The following SYNE1 variants were observed in gnomAD, a reference collection of about 807,000 sequenced individuals.
SYNE1 encodes spectrin repeat containing nuclear envelope protein 1, also known as nesprin-1.
SYNE1 carries 616 observed loss-of-function variants against 1,111.0 expected under a neutral mutation model. That is an observed-to-expected ratio of 0.55 (90% confidence interval 0.52 to 0.59). The LOEUF (loss-of-function observed/expected upper bound fraction) is 0.59, where lower values mean the gene tolerates loss of function less well. SYNE1 is among the 20% of genes least tolerant of loss of function. The pLI, the probability that SYNE1 is intolerant of heterozygous loss-of-function variation, is 0.00. For synonymous variants in SYNE1, 3,855 were observed against 3,825.8 expected (o/e 1.01, Z -0.28); for missense variants, 10,006 against 10,417.0 (o/e 0.96, Z 1.72).
At chr6:152,413,219 G>A in intron 42 of SYNE1, 133 bp downstream of exon 42, 1 of 1,060,706 alleles carries the variant, frequency 9.4e-7, no homozygotes, top group Non-Finnish European at 1.4e-6. Flanking sequence ...TCAATGTTAT[G>A]AAAGTGACAC....
chr6:152,581,970 T>A (rs1264161586), intron 3 of SYNE1, among the ~76,000 whole-genome samples: 1 of 152,060 alleles, frequency 6.6e-6, no homozygotes, highest in African/African-American at 2.4e-5. Context: ...TACCAGTGCC[T>A]AGCAGGCTTT....
At chr6:152,618,385 G>A (rs1053402101) in intron 3 of SYNE1, among the ~76,000 whole-genome samples, 10 of 151,950 alleles carry the variant, frequency 6.6e-5, no homozygotes, top group Admixed American at 2.6e-4. Flanking sequence ...AAATAACAAC[G>A]ACAACAACAA....
At chr6:152,311,674 T>C (rs1374836679) in intron 87 of SYNE1, among the ~76,000 whole-genome samples, 1 of 152,096 alleles carries the variant, frequency 6.6e-6, no homozygotes, top group Non-Finnish European at 1.5e-5. Context: ...AGCATATGCA[T>C]AGGTACAAAG....
chr6:152,229,690 T>C (rs1460436288), intron 115 of SYNE1, among the ~76,000 whole-genome samples: 1 of 152,132 alleles, frequency 6.6e-6, no homozygotes, highest in Non-Finnish European at 1.5e-5. Flanking sequence ...AGGCCAATCC[T>C]GAACATGGCA....
chr6:152,274,022 C>T (rs1246104762), intron 98 of SYNE1, among the ~76,000 whole-genome samples: 1 of 152,150 alleles, frequency 6.6e-6, no homozygotes, highest in African/African-American at 2.4e-5. Flanking sequence ...AAGGCTTTCC[C>T]TTTATTTTAG....
Position 152,354,978 on chromosome 6 carries a change from T to C in SYNE1, c.10609-2A>G, listed in dbSNP as rs756909742. ...CTCTGCACAGTGTACCTGTAGCTCC[T>C]GCAGAGAAAAAGGTATGGCTGTCAC... On this transcript the variant is annotated splice_acceptor_variant, in intron 66 of 145. Transcript: ENST00000367255. LOFTEE classifies it high-confidence loss of function. The C allele has an allele frequency of 6.2e-7, 1 of 1,613,696 alleles. No individual in the cohort carries two copies. Among genetic ancestry groups the C allele is most frequent in the South Asian group, 1.1e-5 (1 of 91,078 alleles).
At chr6:152,447,311 A>G in intron 29 of SYNE1, 147 bp downstream of exon 29, 1 of 866,628 alleles carries the variant, frequency 1.2e-6, no homozygotes, top group Admixed American at 2.5e-5. Flanking sequence ...TTTCCCAACA[A>G]GCTTCATACA....
At chr6:152,163,506 A>C (rs2062963479) in intron 131 of SYNE1, among the ~76,000 whole-genome samples, 1 of 150,900 alleles carries the variant, frequency 6.6e-6, no homozygotes, top group Admixed American at 6.6e-5. Flanking sequence ...CTCAGGAAAA[A>C]AAAAAAAAAA....
chr6:152,289,837 A>G (rs13211170), intron 95 of SYNE1, among the ~76,000 whole-genome samples: 26,872 of 151,540 alleles, frequency 0.18, 2,727 homozygotes, highest in Non-Finnish European at 0.21. Context: ...CATGTTAGCC[A>G]GGATGGTCGC....
intron 24 of SYNE1, among the ~76,000 whole-genome samples, chr6:152,454,843 C>T (rs1043579481): frequency 2.0e-5 from 3 of 152,130 alleles, no homozygotes; most frequent in African/African-American, 7.2e-5. Flanking sequence ...ACTGAAATGT[C>T]AGGAAAGATA....
At chr6:152,392,774 A>C (rs977723993) in intron 51 of SYNE1, among the ~76,000 whole-genome samples, 3 of 152,254 alleles carry the variant, frequency 2.0e-5, no homozygotes, top group African/African-American at 7.2e-5. Flanking sequence ...AGGTGGCTTA[A>C]GCAATGATTT....
chr6:152,180,084 T>C, intron 129 of SYNE1, 52 bp downstream of exon 129: 1 of 1,600,094 alleles, frequency 6.2e-7, no homozygotes, highest in East Asian at 2.2e-5. Flanking sequence ...CTGTGAAAAG[T>C]ACACATAAGC....
chr6:152,361,930 G>C (rs2096938885), intron 64 of SYNE1, among the ~76,000 whole-genome samples: 1 of 151,782 alleles, frequency 6.6e-6, no homozygotes, highest in Non-Finnish European at 1.5e-5. Context: ...ATTTTAAATG[G>C]TTTGTATCAT....
intron 95 of SYNE1, among the ~76,000 whole-genome samples, chr6:152,293,214 A>T (rs1294567790): frequency 1.3e-5 from 2 of 152,232 alleles, no homozygotes; most frequent in Non-Finnish European, 2.9e-5. Flanking sequence ...TATCGAGAAA[A>T]GGTAGATTTG....
At chr6:152,629,557 G>GGGGGGGGGGGGGC (rs2099694203) in intron 2 of SYNE1, among the ~76,000 whole-genome samples, 1 of 125,700 alleles carries the variant, frequency 8.0e-6, no homozygotes, top group Non-Finnish European at 1.7e-5. Context: ...GGAGGAGGGG[G>GGGGGGGGGGGGGC]TGCAGTGGGC....
rs1249588703 is a variant in SYNE1 at position 152,349,046 on chromosome 6, T to C, written c.11901+1122A>G. Among the ~76,000 whole-genome samples, 3 of 152,232 alleles carry C rather than the reference T, an allele frequency of 2.0e-5. No homozygotes were observed. The East Asian group carries it at 5.8e-4, about 29-fold the overall frequency. ...TGTGTAGCTACTTTTTTATTCATATTTGTTAAATAAAATCCTTTCTTATAG... is the reference window on the plus strand; with the variant it reads ...TGTGTAGCTACTTTTTTATTCATATCTGTTAAATAAAATCCTTTCTTATAG... On this transcript the variant is annotated intron_variant, in intron 72 of 145. Transcript: ENST00000367255.
chr6:152,566,869 A>G (rs1368020327), intron 3 of SYNE1, among the ~76,000 whole-genome samples: 1 of 152,142 alleles, frequency 6.6e-6, no homozygotes, highest in Non-Finnish European at 1.5e-5. Context: ...TCAACATATG[A>G]TTTTAAACAT....
chr6:152,364,330 C>G (rs2097010948), intron 63 of SYNE1, among the ~76,000 whole-genome samples: 1 of 152,082 alleles, frequency 6.6e-6, no homozygotes, highest in South Asian at 2.1e-4. Context: ...GCTAATACAA[C>G]ACCCTTTACT....
chr6:152,122,934 C>T (rs964625388), intron 145 of SYNE1, among the ~76,000 whole-genome samples: 1 of 151,920 alleles, frequency 6.6e-6, no homozygotes, highest in Admixed American at 6.5e-5. Context: ...ACTCCTTTTA[C>T]CCCTTAATGT....
Sources: allele counts gnomAD v4.1 joint callset (sites outside exome capture counted in the v4.1 genomes callset), GRCh38; gene constraint gnomAD v4.1.1; transcripts MANE v1.5; gene names NCBI Gene and HGNC (gene_info 2026-07-23, HGNC 2026-07-21).